The following MDN1 variants were observed in gnomAD, a reference collection of about 807,000 sequenced individuals.
The protein encoded by MDN1 is midasin.
Under a neutral mutation model 669.2 loss-of-function variants are expected in MDN1, and 266 were observed. That is an observed-to-expected ratio of 0.40 (90% confidence interval 0.36 to 0.44). The LOEUF is 0.44. Ranked by LOEUF, MDN1 falls within the 20% of genes least tolerant of loss-of-function variation. The pLI is 1.00. For synonymous variants in MDN1, 2,385 were observed against 2,457.1 expected (o/e 0.97, Z 0.87); for missense variants, 5,940 against 6,754.0 (o/e 0.88, Z 4.22).
Position 89,727,904 on chromosome 6 carries a change from C to T in MDN1, c.5401G>A (p.Gly1801Arg). Residue 1801 changes from glycine (G) to arginine (R), a missense_variant, in exon 37 of 102, where the codon GGA (glycine) becomes AGA (arginine). Transcript: ENST00000369393. Reference sequence around the variant, plus strand: ...GGGCCATCACGCCAGGCAAACTCTCCTCCCTTGCCACCTTCAACAGGTAGA... The same window carrying T: ...GGGCCATCACGCCAGGCAAACTCTCTTCCCTTGCCACCTTCAACAGGTAGA... ...ADLPVEGGKGGEFAWRDGPLL... is the reference protein window; with the variant it reads ...ADLPVEGGKGREFAWRDGPLL... The T allele has an allele frequency of 6.2e-7, 1 of 1,614,038 alleles. No homozygotes were observed. Among genetic ancestry groups the T allele is most frequent in the East Asian group, 2.2e-5 (1 of 44,872 alleles).
rs1814067837 is a variant in MDN1, at chr6:89,713,090, C to T, written c.7218+58G>A. 3.9e-6 allele frequency: 6 copies of T among 1,550,516 alleles called. No homozygotes were observed. The East Asian group carries it at 1.1e-4, about 29-fold the overall frequency. ...TTGCCACCTTTAAAAATAATTTCCT[C>T]GTACTCAAGAATGTAGGGTATTACA... On this transcript the variant is annotated intron_variant, in intron 47 of 101. Coordinates refer to ENST00000369393, the MANE Select transcript of MDN1 (RefSeq NM_014611.3).
At chr6:89,662,270 C>CACACTCAATCCAA (rs1217896932) in intron 86 of MDN1, 31 bp from the exon 87 acceptor site, 1 of 1,593,774 alleles carries the variant, frequency 6.3e-7, no homozygotes, top group Non-Finnish European at 8.5e-7. Context: ...AAACAATCAT[C>CACACTCAATCCAA]ACACTCAATC....
At chr6:89,802,543 C>T (rs536397194) in intron 2 of MDN1, among the ~76,000 whole-genome samples, 336 of 152,006 alleles carry the variant, frequency 2.2e-3, no homozygotes, top group Non-Finnish European at 3.8e-3. Context: ...ATTAGCTGGG[C>T]GTGGTGGTGT....
intron 1 of MDN1, among the ~76,000 whole-genome samples, chr6:89,818,788 A>G (rs932993220): frequency 6.6e-6 from 1 of 151,574 alleles, no homozygotes; most frequent in African/African-American, 2.4e-5. Context: ...CAGCCTGGCG[A>G]CACAGCGAGA....
Position 89,707,498 on chromosome 6 carries a change from G to C in MDN1, c.7899-22C>G, listed in dbSNP as rs548691179. The C allele has an allele frequency of 7.2e-6, 10 of 1,379,984 alleles. No individual in the cohort carries two copies. In the Admixed American group the frequency reaches 1.7e-4, roughly 23 times the overall value. The allele number at this position is 1,379,984 out of a possible 1,614,324, so 85.5% of individuals were successfully genotyped here. ...TGTCCTGGAATGAGATTCAAAAAAC[G>C]TAACAAATAGCTATCGGTTAATAAC... On this transcript the variant is annotated intron_variant, in intron 51 of 101. Transcript: ENST00000369393.
At chr6:89,646,008 G>C (rs1234074385) in intron 100 of MDN1, among the ~76,000 whole-genome samples, 1 of 152,142 alleles carries the variant, frequency 6.6e-6, no homozygotes, top group East Asian at 1.9e-4. Flanking sequence ...CTTGCAGGGG[G>C]CTGGTTTCAG....
rs188202999 is a variant in MDN1, at chr6:89,658,047, G to A, written c.15183+162C>T. ...TTAAAAAATAACTGTTCAGTCACGC[G>A]TTGCTTAAAGAATGAGATGTGGTCT... is the stretch of plus-strand genomic sequence containing the variant. On this transcript the variant is annotated intron_variant, in intron 90 of 101. Transcript: ENST00000369393. 2.6e-4 allele frequency among the ~76,000 whole-genome samples: 40 copies of A among 152,274 alleles called. 1 individual carries two copies. In the East Asian group the frequency reaches 7.3e-3, roughly 28 times the overall value.
intron 82 of MDN1, among the ~76,000 whole-genome samples, 174 bp downstream of exon 82, chr6:89,672,026 G>C (rs1258925594): frequency 6.6e-6 from 1 of 152,214 alleles, no homozygotes; most frequent in Non-Finnish European, 1.5e-5. Flanking sequence ...CAAGCCCTAA[G>C]CTCTTCAAAG....
At position 89,773,636 on chromosome 6, in the gene MDN1, A is replaced by AGCCAAGGAAC. The variant is rs771024883; in HGVS notation, c.1935-925_1935-916dup. On this transcript the variant is annotated intron_variant, in intron 13 of 101. Coordinates refer to ENST00000369393, the MANE Select transcript of MDN1 (RefSeq NM_014611.3). ...CAGAACTTAGAGTGATACAACTACA[A>AGCCAAGGAAC]GCCAAGGAACACCAAGGACTGCTGG... Among the ~76,000 whole-genome samples, 77 of 152,188 alleles carry AGCCAAGGAAC rather than the reference A, an allele frequency of 5.1e-4. 1 individual carries two copies. The highest frequency in any genetic ancestry group is 1.8e-3 in the African/African-American group (73 of 41,536).
chr6:89,769,333 G>T (rs1817970005), intron 15 of MDN1, among the ~76,000 whole-genome samples: 1 of 152,108 alleles, frequency 6.6e-6, no homozygotes, highest in African/African-American at 2.4e-5. Context: ...TATGTTAAAA[G>T]ATTTTATTTA....
intron 15 of MDN1, among the ~76,000 whole-genome samples, chr6:89,769,399 A>G (rs541204026): frequency 6.6e-6 from 1 of 152,326 alleles, no homozygotes; most frequent in East Asian, 1.9e-4. Flanking sequence ...CCAACCCCAC[A>G]AAAACTGAGA....
rs565060714 is a variant in MDN1, at chr6:89,687,581, G to A, written c.11356-143C>T. 1,237 of 672,414 alleles carry A rather than the reference G, an allele frequency of 1.8e-3. 3 individuals carry two copies. The highest frequency in any genetic ancestry group is 2.8e-3 in the Non-Finnish European group (1,127 of 395,978). The allele number at this position is 672,414 out of a possible 1,614,324, so 41.7% of individuals were successfully genotyped here. On this transcript the variant is annotated intron_variant, in intron 67 of 101. Coordinates refer to ENST00000369393, the MANE Select transcript of MDN1 (RefSeq NM_014611.3). ...CACCAATTGTAGGAATGAATTTACAGTGTATCAGCTTCAAGTTCTTTCTGT... is the reference window on the plus strand; with the variant it reads ...CACCAATTGTAGGAATGAATTTACAATGTATCAGCTTCAAGTTCTTTCTGT...
At chr6:89,736,336 G>A (rs894111694) in intron 33 of MDN1, among the ~76,000 whole-genome samples, 1 of 152,192 alleles carries the variant, frequency 6.6e-6, no homozygotes, top group Non-Finnish European at 1.5e-5. Flanking sequence ...TGGTGATGCA[G>A]CAAGCATGGT....
At chr6:89,782,825 G>A (rs1301295077) in intron 9 of MDN1, among the ~76,000 whole-genome samples, 2 of 151,898 alleles carry the variant, frequency 1.3e-5, no homozygotes, top group Non-Finnish European at 2.9e-5. Context: ...GGGAAGTCAG[G>A]GACCCCAAAT....
chr6:89,673,040 G>A (rs1412358393), intron 80 of MDN1, among the ~76,000 whole-genome samples, 196 bp downstream of exon 80: 2 of 152,182 alleles, frequency 1.3e-5, no homozygotes, highest in Non-Finnish European at 2.9e-5. Flanking sequence ...GTGTTACAAA[G>A]TATGTAACAG....
At chr6:89,797,314 C>CA (rs892123200) in intron 2 of MDN1, among the ~76,000 whole-genome samples, 2 of 135,894 alleles carry the variant, frequency 1.5e-5, no homozygotes, top group Non-Finnish European at 3.0e-5. Flanking sequence ...GCAGAGGTTG[C>CA]AGTGAGCCAA....
intron 69 of MDN1, among the ~76,000 whole-genome samples, 189 bp downstream of exon 69, chr6:89,686,712 CT>C (rs1419355527): frequency 6.6e-6 from 1 of 152,210 alleles, no homozygotes; most frequent in African/African-American, 2.4e-5. Flanking sequence ...TGTTATTATT[CT>C]CTCAGTTAGA....
At position 89,674,179 on chromosome 6, in the gene MDN1, A is replaced by G; in HGVS notation, c.13172T>C (p.Leu4391Pro). The G allele has an allele frequency of 6.2e-7, 1 of 1,614,220 alleles. No homozygotes were observed. The highest frequency in any genetic ancestry group is 8.5e-7 in the Non-Finnish European group (1 of 1,180,054). Residue 4391 changes from leucine to proline, a missense_variant, in exon 79 of 102, where the codon CTA (leucine) becomes CCA (proline). Leu to Pro is a moderately conservative substitution (Grantham distance 98). This residue lies in a region of MDN1 where 2,280 missense variants were observed against 2,576.3 expected (regional missense o/e 0.88). Coordinates refer to ENST00000369393, the MANE Select transcript of MDN1 (RefSeq NM_014611.3). The stretch of plus-strand genomic sequence containing the variant: ...AGCTTTCACTGTTTTAATGGTTTTT[A>G]GCATCTCTGTTAATCTCGTAGTTGA... ...QQSTTRLTEMLKTIKTVKADV... is the reference protein window; with the variant it reads ...QQSTTRLTEMPKTIKTVKADV...
intron 9 of MDN1, 118 bp downstream of exon 9, chr6:89,784,894 G>T: frequency 1.5e-6 from 1 of 671,074 alleles, no homozygotes; most frequent in Non-Finnish European, 2.6e-6. Flanking sequence ...TAAAATACTA[G>T]CACACAGACT....
Sources: gnomAD v4.1 joint callset for allele counts (sites outside exome capture counted in the v4.1 genomes callset) on GRCh38, gnomAD v4.1.1 for gene constraint, gnomAD v4.1.1 regional missense constraint, MANE v1.5 for transcripts, NCBI Gene and HGNC (gene_info 2026-07-23, HGNC 2026-07-21) for gene names.